The following KLF12 variants were observed in gnomAD, a reference collection of about 807,000 sequenced individuals.
The protein encoded by KLF12 is Krueppel-like factor 12.
A neutral mutation model predicts 37.8 loss-of-function variants in KLF12; 9 were observed. The observed-to-expected ratio is 0.24, with a 90% CI of 0.14 to 0.42. The LOEUF is 0.42. Ranked by LOEUF, KLF12 falls within the 10% of genes least tolerant of loss-of-function variation. KLF12 has a pLI of 1.00. For synonymous variants in KLF12, 208 were observed against 202.1 expected (o/e 1.03, Z -0.25); for missense variants, 411 against 516.0 (o/e 0.80, Z 1.97).
rs567930168 is a variant in KLF12 at position 73,885,468 on chromosome 13, G to A, written c.124-39095C>T. Among the ~76,000 whole-genome samples the A allele has an allele frequency of 1.1e-4, 17 of 152,238 alleles. No homozygotes were observed. The South Asian group carries it at 3.1e-3, about 28-fold the overall frequency. ...GATCTCTAGTCTTGATTTTTGCAGT[G>A]GCCTCCAGACCCATCTTCTGCATTC... On this transcript the variant is annotated intron_variant, in intron 3 of 7. Transcript: ENST00000377669.
rs939262264 is a variant in KLF12 at position 73,690,690 on chromosome 13, T to C, written c.*4800A>G. ...GCAATTTCACTCATTGTGTGTAAGATATACAAGGCATATCTGAACAAGTTT... is the reference window on the plus strand; with the variant it reads ...GCAATTTCACTCATTGTGTGTAAGACATACAAGGCATATCTGAACAAGTTT... On this transcript the variant is annotated 3_prime_UTR_variant, in exon 8 of 8. Transcript: ENST00000377669. The C allele has an allele frequency of 2.0e-5, 3 of 152,332 alleles. No individual in the cohort carries two copies. The highest frequency in any genetic ancestry group is 4.4e-5 in the Non-Finnish European group (3 of 68,032). The allele number at this position is 152,332 out of a possible 1,614,324, so 9.4% of individuals were successfully genotyped here.
intron 3 of KLF12, among the ~76,000 whole-genome samples, chr13:73,894,433 T>A (rs1887662539): frequency 6.6e-6 from 1 of 152,176 alleles, no homozygotes. Context: ...TATCATCTAC[T>A]TTTTTATTCT....
intron 5 of KLF12, among the ~76,000 whole-genome samples, chr13:73,773,893 C>T (rs2138138991): frequency 6.6e-6 from 1 of 152,230 alleles, no homozygotes; most frequent in South Asian, 2.1e-4. Flanking sequence ...ACCTAGTTTA[C>T]TCCTACCCCT....
chr13:74,058,483 G>A (rs1191395047), intron 1 of KLF12, among the ~76,000 whole-genome samples: 1 of 150,150 alleles, frequency 6.7e-6, no homozygotes, highest in Non-Finnish European at 1.5e-5. Context: ...AGCCTCCCGA[G>A]TAGCTGGGAC....
the KLF12 span, among the ~76,000 whole-genome samples, chr13:74,260,558 A>G: frequency 1.1e-5 from 1 of 91,904 alleles, no homozygotes; most frequent in African/African-American, 8.4e-5. Flanking sequence ...TGTTTCTAAA[A>G]TAAAATAAAA....
chr13:74,293,869 C>T, the KLF12 span, among the ~76,000 whole-genome samples: 2 of 152,170 alleles, frequency 1.3e-5, no homozygotes, highest in Non-Finnish European at 2.9e-5. Flanking sequence ...TAGTGCTAAC[C>T]ACCAGAATGC....
the KLF12 span, among the ~76,000 whole-genome samples, chr13:74,264,888 A>T: frequency 0.016 from 2,481 of 151,316 alleles, 79 homozygotes; most frequent in African/African-American, 0.057. Flanking sequence ...AGGTTAGTCT[A>T]TTTTTTTTTC....
At chr13:74,229,634 A>G in the KLF12 span, among the ~76,000 whole-genome samples, 1 of 152,096 alleles carries the variant, frequency 6.6e-6, no homozygotes, top group Non-Finnish European at 1.5e-5. Flanking sequence ...TATCTAAAAT[A>G]CTAACTACTT....
chr13:74,245,850 C>T, the KLF12 span, among the ~76,000 whole-genome samples: 5 of 152,212 alleles, frequency 3.3e-5, no homozygotes, highest in Non-Finnish European at 5.9e-5. Context: ...ACAAAGTTAA[C>T]GTGGAAGACT....
At chr13:73,888,124 TC>T in intron 3 of KLF12, among the ~76,000 whole-genome samples, 1 of 152,160 alleles carries the variant, frequency 6.6e-6, no homozygotes. Context: ...CACCTCAGCC[TC>T]CCAAGTAGCT....
At chr13:74,046,068 C>T (rs982470026) in intron 1 of KLF12, among the ~76,000 whole-genome samples, 2 of 152,182 alleles carry the variant, frequency 1.3e-5, no homozygotes, top group African/African-American at 2.4e-5. Flanking sequence ...TCCTATCAAT[C>T]AGTCTATAGT....
chr13:74,200,741 C>T, the KLF12 span, among the ~76,000 whole-genome samples: 7 of 152,088 alleles, frequency 4.6e-5, no homozygotes, highest in East Asian at 1.2e-3. Flanking sequence ...GTTTCTGCTT[C>T]TCTCTGTGGT....
chr13:74,185,922 G>A, the KLF12 span, among the ~76,000 whole-genome samples: 1 of 152,196 alleles, frequency 6.6e-6, no homozygotes, highest in Non-Finnish European at 1.5e-5. Flanking sequence ...GGGATTACAG[G>A]TGTCAGCCAC....
the KLF12 span, among the ~76,000 whole-genome samples, chr13:74,221,834 G>A: frequency 6.6e-6 from 1 of 152,154 alleles, no homozygotes; most frequent in African/African-American, 2.4e-5. Context: ...TCCTACCAAA[G>A]TCTACTCTGT....
intron 3 of KLF12, among the ~76,000 whole-genome samples, chr13:73,890,854 C>A (rs1386194943): frequency 6.6e-6 from 1 of 152,070 alleles, no homozygotes; most frequent in Non-Finnish European, 1.5e-5. Context: ...TCCTTTTCTG[C>A]CTAGAAAGCC....
chr13:73,982,837 A>G (rs1406217595), intron 2 of KLF12, among the ~76,000 whole-genome samples: 1 of 152,102 alleles, frequency 6.6e-6, no homozygotes, highest in Non-Finnish European at 1.5e-5. Context: ...GGAAAACTCT[A>G]TCTTAATAAA....
the KLF12 span, among the ~76,000 whole-genome samples, chr13:74,301,276 C>T: frequency 6.6e-6 from 1 of 152,122 alleles, no homozygotes; most frequent in Non-Finnish European, 1.5e-5. Context: ...AGAAAAATCC[C>T]TAAATGGAAA....
At chr13:73,720,641 A>T (rs1365641165) in intron 6 of KLF12, among the ~76,000 whole-genome samples, 1 of 152,230 alleles carries the variant, frequency 6.6e-6, no homozygotes, top group African/African-American at 2.4e-5. Context: ...AGAACAAATG[A>T]GTGAATCATG....
chr13:73,771,912 A>G (rs1156430084), intron 5 of KLF12, among the ~76,000 whole-genome samples: 1 of 152,226 alleles, frequency 6.6e-6, no homozygotes, highest in East Asian at 1.9e-4. Context: ...AAGCACTCCA[A>G]GAAGAGGAGC....
Sources: allele counts gnomAD v4.1 joint callset (sites outside exome capture counted in the v4.1 genomes callset), GRCh38; gene constraint gnomAD v4.1.1; transcripts MANE v1.5; gene names NCBI Gene and HGNC (gene_info 2026-07-23, HGNC 2026-07-21).